The following ARGLU1 variants were observed in gnomAD, a reference collection of about 807,000 sequenced individuals.
The protein encoded by ARGLU1 is arginine and glutamate-rich protein 1.
Under a neutral mutation model 37.6 loss-of-function variants are expected in ARGLU1, and 9 were observed. The ratio of observed to expected loss-of-function variants is 0.24; its 90% CI spans 0.14 to 0.42. ARGLU1 has a LOEUF of 0.42. Ranked by LOEUF, ARGLU1 falls within the 10% of genes least tolerant of loss-of-function variation. The probability of loss-of-function intolerance (pLI) is 1.00; values close to 1 mark genes in which losing one functional copy is unlikely to be tolerated. For missense variants in ARGLU1, 211 were observed against 359.2 expected (o/e 0.59, Z 3.34); for synonymous variants, 166 against 138.5 (o/e 1.20, Z -1.39).
At chr13:106,559,358 T>C (rs1452908964) in intron 2 of ARGLU1, 74 bp downstream of exon 2, 1 of 1,592,620 alleles carries the variant, frequency 6.3e-7, no homozygotes, top group South Asian at 1.1e-5. Context: ...CTTTCTGAAC[T>C]GAGCAGGAGG....
At chr13:106,545,837 G>A (rs1170749307) in intron 3 of ARGLU1, among the ~76,000 whole-genome samples, 1 of 152,142 alleles carries the variant, frequency 6.6e-6, no homozygotes. Context: ...GAGCATGGTG[G>A]AAAATCCAAC....
Position 106,548,357 on chromosome 13 carries a change from T to C in ARGLU1, c.658-4197A>G, listed in dbSNP as rs1393444465. On this transcript the variant is annotated intron_variant, in intron 3 of 3. Transcript: ENST00000400198. ...CTCTCTGTAGTAACTTTTTCTTTCC[T>C]GATGACTTGACTTGCCGGAGAATAC... Among the ~76,000 whole-genome samples the C allele has an allele frequency of 5.3e-5, 8 of 152,190 alleles. No homozygotes were observed. In the East Asian group the frequency reaches 1.5e-3, roughly 29 times the overall value.
intron 3 of ARGLU1, among the ~76,000 whole-genome samples, chr13:106,554,989 C>G (rs1880626743): frequency 1.3e-5 from 2 of 152,088 alleles, no homozygotes; most frequent in Admixed American, 1.3e-4. Flanking sequence ...TCTTACTCAA[C>G]TTTCTCAAAT....
At chr13:106,566,478 T>A (rs1880966757) in intron 1 of ARGLU1, among the ~76,000 whole-genome samples, 1 of 152,232 alleles carries the variant, frequency 6.6e-6, no homozygotes, top group Admixed American at 6.5e-5. Context: ...ACTGAAGAAC[T>A]GACCAAGTAC....
intron 1 of ARGLU1, among the ~76,000 whole-genome samples, chr13:106,560,227 C>T (rs1279854544): frequency 6.6e-6 from 1 of 152,156 alleles, no homozygotes; most frequent in Non-Finnish European, 1.5e-5. Flanking sequence ...TTTATAGTTC[C>T]TTACTATGTC....
chr13:106,567,455 C>A lies in ARGLU1; in HGVS notation c.347+118G>T, dbSNP rs1881000749. The A allele has an allele frequency of 4.3e-6, 3 of 701,878 alleles. No homozygotes were observed. In the Admixed American group the frequency reaches 1.2e-4, roughly 29 times the overall value. 43.5% of individuals were successfully genotyped at this position (701,878 alleles called of 1,614,324 possible). ...CTCCGACCCGTTCCCGCGCCCGGTC[C>A]CCAGCCCCGGACCGTCCCCGCCATT... On this transcript the variant is annotated intron_variant, in intron 1 of 3. Transcript: ENST00000400198. The surrounding 1 kb of genome is among the most constrained non-coding windows in gnomAD (Gnocchi z 4.3).
chr13:106,566,996 A>G (rs527829914), intron 1 of ARGLU1, among the ~76,000 whole-genome samples: 65 of 151,934 alleles, frequency 4.3e-4, no homozygotes, highest in Non-Finnish European at 7.2e-4. Context: ...GAAAAAAGCA[A>G]TCCCAACACC....
chr13:106,550,635 T>C (rs1417137160), intron 3 of ARGLU1, among the ~76,000 whole-genome samples: 1 of 152,220 alleles, frequency 6.6e-6, no homozygotes, highest in Non-Finnish European at 1.5e-5. Flanking sequence ...AAACTGCAAC[T>C]GGATGAAATT....
chr13:106,559,554 C>CCTTCCTTT lies in ARGLU1; in HGVS notation c.443_450dup (p.Asp151LysfsTer54), dbSNP rs761183437. 1 of 1,614,164 alleles carries CCTTCCTTT rather than the reference C, an allele frequency of 6.2e-7. No homozygotes were observed. The highest frequency in any genetic ancestry group is 8.5e-7 in the Non-Finnish European group (1 of 1,180,040). On this transcript the variant is annotated frameshift_variant, in exon 2 of 4. Coordinates refer to ENST00000400198, the MANE Select transcript of ARGLU1 (RefSeq NM_018011.4). LOFTEE classifies it high-confidence loss of function. ...CGGAGAACTTCTCGTTCAATTTCAT[C>CCTTCCTTT]CTTCCTTTTCTCCAGTTCTTCCTCC...
chr13:106,559,051 A>C (rs1880728104), intron 2 of ARGLU1: 1 of 1,203,768 alleles, frequency 8.3e-7, no homozygotes, highest in Admixed American at 3.6e-5. Flanking sequence ...TAGGTAACAG[A>C]GTGACAGAAT....
chr13:106,558,413 G>A (rs1321337566), intron 2 of ARGLU1: 1 of 985,218 alleles, frequency 1.0e-6, no homozygotes, highest in Non-Finnish European at 1.2e-6. Context: ...ATAATGCCAA[G>A]ATGAAAAATG....
chr13:106,546,001 TAAAA>T (rs2138962961), intron 3 of ARGLU1, among the ~76,000 whole-genome samples: 1 of 152,350 alleles, frequency 6.6e-6, no homozygotes, highest in East Asian at 1.9e-4. Flanking sequence ...ACTTTATCCT[TAAAA>T]TAAATCTGCC....
intron 3 of ARGLU1, among the ~76,000 whole-genome samples, chr13:106,551,018 G>A (rs1187333977): frequency 1.3e-5 from 2 of 152,116 alleles, no homozygotes; most frequent in Non-Finnish European, 2.9e-5. Context: ...ATATTTCCTG[G>A]ATAATCTCAT....
chr13:106,544,250 C>T (rs1035097543), intron 3 of ARGLU1, 90 bp from the exon 4 acceptor site: 30 of 1,193,062 alleles, frequency 2.5e-5, no homozygotes, highest in African/African-American at 6.5e-5. Flanking sequence ...TATGTATCTA[C>T]AAAAAAATTT....
chr13:106,556,967 G>T (rs1180583182), intron 3 of ARGLU1, 81 bp downstream of exon 3: 4 of 1,224,692 alleles, frequency 3.3e-6, no homozygotes, highest in East Asian at 2.3e-5. Flanking sequence ...AAATTATAGG[G>T]CACAAAAATC....
chr13:106,553,035 T>C (rs959128260), intron 3 of ARGLU1, among the ~76,000 whole-genome samples: 3 of 152,198 alleles, frequency 2.0e-5, no homozygotes, highest in African/African-American at 4.8e-5. Context: ...ATCTGTGAAC[T>C]TGTGTCACAA....
chr13:106,558,533 G>A (rs1432714719), intron 2 of ARGLU1: 5 of 985,296 alleles, frequency 5.1e-6, no homozygotes, highest in Non-Finnish European at 6.0e-6. Flanking sequence ...GCAAACTATG[G>A]TGACAGACAC....
chr13:106,567,737 G>A lies in ARGLU1; in HGVS notation c.183C>T (p.Thr61=), dbSNP rs1881016901. ...GCTCGCGCCGGGACACGGCCGTGTT[G>A]GTGGAGCGCGAACGGGACCGCGACT... ...RRESRSRSRS[T]NTAVSRRERD... The change falls in exon 1 of 4, where the codon ACC becomes ACT. Residue 61 remains threonine (T), a synonymous_variant. Transcript: ENST00000400198. The surrounding 1 kb of genome is among the most constrained non-coding windows in gnomAD (Gnocchi z 4.3). 3 of 1,612,402 alleles carry A rather than the reference G, an allele frequency of 1.9e-6. No individual in the cohort carries two copies. Among genetic ancestry groups the A allele is most frequent in the East Asian group, 4.5e-5 (2 of 44,760 alleles).
chr13:106,567,442 C>G lies in ARGLU1; in HGVS notation c.347+131G>C. The G allele has an allele frequency of 1.6e-6, 1 of 618,020 alleles. No individual in the cohort carries two copies. The highest frequency in any genetic ancestry group is 2.6e-6 in the Non-Finnish European group (1 of 387,094). The allele number at this position is 618,020 out of a possible 1,614,324, so 38.3% of individuals were successfully genotyped here. On this transcript the variant is annotated intron_variant, in intron 1 of 3. Coordinates refer to ENST00000400198, the MANE Select transcript of ARGLU1 (RefSeq NM_018011.4). This position sits in a 1 kb window ranked among gnomAD's most constrained non-coding sequence, Gnocchi z 4.3. ...CCCGCCGCCGCCTCTCCGACCCGTT[C>G]CCGCGCCCGGTCCCCAGCCCCGGAC...
Sources: allele counts gnomAD v4.1 joint callset (sites outside exome capture counted in the v4.1 genomes callset), GRCh38; gene constraint gnomAD v4.1.1; non-coding constraint Gnocchi (gnomAD v3.1); transcripts MANE v1.5; gene names NCBI Gene and HGNC (gene_info 2026-07-23, HGNC 2026-07-21).